CDC42SE2: variants seen among roughly 807,000 people sequenced by gnomAD.
CDC42SE2 encodes the protein CDC42 small effector protein 2.
CDC42SE2 carries 3 observed loss-of-function variants against 11.5 expected under a neutral mutation model. The ratio of observed to expected loss-of-function variants is 0.26; its 90% CI spans 0.12 to 0.67. The LOEUF is 0.67. CDC42SE2 is among the 30% of genes least tolerant of loss of function. CDC42SE2 has a pLI of 0.80. For synonymous variants in CDC42SE2, 33 were observed against 34.8 expected (o/e 0.95, Z 0.18); for missense variants, 82 against 106.8 (o/e 0.77, Z 1.02).
At chr5:131,344,780 AG>A (rs1758799343) in intron 2 of CDC42SE2, among the ~76,000 whole-genome samples, 1 of 152,196 alleles carries the variant, frequency 6.6e-6, no homozygotes, top group Non-Finnish European at 1.5e-5. Context: ...TCATACAGCC[AG>A]GTGCCCCTCT....
chr5:131,349,934 CTT>C (rs1245185036), intron 2 of CDC42SE2, among the ~76,000 whole-genome samples: 6 of 152,018 alleles, frequency 3.9e-5, no homozygotes, highest in Admixed American at 1.3e-4. Flanking sequence ...TTTAATGAAA[CTT>C]GTATAATAAA....
rs147294030 is a variant in CDC42SE2, at chr5:131,270,805, A to G, written c.-455+6639A>G. Among the ~76,000 whole-genome samples the G allele has an allele frequency of 2.8e-4, 43 of 152,342 alleles. No homozygotes were observed. In the East Asian group the frequency reaches 8.1e-3, roughly 29 times the overall value. The stretch of plus-strand genomic sequence containing the variant: ...GATTTCAGAACTTTTCTTTGGCTCA[A>G]AACTGCTTTGAACCTAGAAGCTTGT... On this transcript the variant is annotated intron_variant, in intron 1 of 4. Coordinates refer to ENST00000505065, the MANE Select transcript of CDC42SE2 (RefSeq NM_001375635.1).
In CDC42SE2 at chr5:131,393,607, A is replaced by T. The variant is rs1750740522; in HGVS notation, c.*2516A>T. The T allele has an allele frequency of 6.6e-6, 1 of 152,450 alleles. No homozygotes were observed. The highest frequency in any genetic ancestry group is 1.9e-4 in the East Asian group (1 of 5,322). The allele number at this position is 152,450 out of a possible 1,614,324, so 9.4% of individuals were successfully genotyped here. On this transcript the variant is annotated 3_prime_UTR_variant, in exon 5 of 5. Transcript: ENST00000505065. Reference sequence around the variant, plus strand: ...GGCACGGTCAGTTTCTTGGCCAGGGACATTGCTATGTGCTGTGTGCAAGCT... The same window carrying T: ...GGCACGGTCAGTTTCTTGGCCAGGGTCATTGCTATGTGCTGTGTGCAAGCT...
chr5:131,311,631 T>G (rs1757916489), intron 1 of CDC42SE2, among the ~76,000 whole-genome samples: 1 of 152,204 alleles, frequency 6.6e-6, no homozygotes, highest in Admixed American at 6.5e-5. Flanking sequence ...TCTTGAAGAC[T>G]TTGCTCGTTT....
At chr5:131,298,125 T>C (rs1257879249) in intron 1 of CDC42SE2, among the ~76,000 whole-genome samples, 2 of 151,820 alleles carry the variant, frequency 1.3e-5, no homozygotes, top group East Asian at 3.9e-4. Flanking sequence ...TTTTTTTTTT[T>C]GAGTTTTACT....
At chr5:131,308,418 G>C (rs924083716) in intron 1 of CDC42SE2, among the ~76,000 whole-genome samples, 1 of 151,964 alleles carries the variant, frequency 6.6e-6, no homozygotes, top group Non-Finnish European at 1.5e-5. Flanking sequence ...GGATTGACTT[G>C]GTGATGCAGG....
intron 1 of CDC42SE2, among the ~76,000 whole-genome samples, chr5:131,275,210 C>G (rs1335253160): frequency 2.0e-5 from 3 of 151,242 alleles, no homozygotes; most frequent in Admixed American, 2.0e-4. Flanking sequence ...TGGGCTTGCG[C>G]TATTTTTTTT....
intron 1 of CDC42SE2, among the ~76,000 whole-genome samples, chr5:131,303,499 T>G (rs1757723967): frequency 6.6e-6 from 1 of 152,224 alleles, no homozygotes; most frequent in Admixed American, 6.5e-5. Context: ...AGCTGAAATT[T>G]AAGACTTTTG....
intron 2 of CDC42SE2, among the ~76,000 whole-genome samples, chr5:131,342,839 A>G (rs1008870966): frequency 6.6e-6 from 1 of 151,914 alleles, no homozygotes; most frequent in African/African-American, 2.4e-5. Flanking sequence ...CAGCTTCCCA[A>G]GTAGCTGGGA....
chr5:131,236,632 G>A, the CDC42SE2 span, among the ~76,000 whole-genome samples: 1 of 152,070 alleles, frequency 6.6e-6, no homozygotes, highest in Non-Finnish European at 1.5e-5. Flanking sequence ...TCACCATGTT[G>A]CCCAGGCTGG....
At chr5:131,235,002 C>A in the CDC42SE2 span, among the ~76,000 whole-genome samples, 1 of 151,288 alleles carries the variant, frequency 6.6e-6, no homozygotes, top group Non-Finnish European at 1.5e-5. Flanking sequence ...GATTCTCCTG[C>A]CTCAGCCTCC....
the CDC42SE2 span, among the ~76,000 whole-genome samples, chr5:131,224,503 G>A: frequency 6.6e-6 from 1 of 152,110 alleles, no homozygotes; most frequent in East Asian, 1.9e-4. Flanking sequence ...TCAAATATAT[G>A]CAGTATCTGA....
At chr5:131,325,010 A>G (rs1258813985) in intron 2 of CDC42SE2, among the ~76,000 whole-genome samples, 1 of 152,208 alleles carries the variant, frequency 6.6e-6, no homozygotes, top group African/African-American at 2.4e-5. Flanking sequence ...AATTTGTTAA[A>G]TATATTCTCT....
chr5:131,270,097 G>A (rs1028765114), intron 1 of CDC42SE2, among the ~76,000 whole-genome samples: 1 of 149,502 alleles, frequency 6.7e-6, no homozygotes, highest in African/African-American at 2.5e-5. Context: ...ACAACTGGCC[G>A]GGCATGGTGG....
chr5:131,315,754 T>C (rs538886016), intron 1 of CDC42SE2, among the ~76,000 whole-genome samples: 3 of 152,266 alleles, frequency 2.0e-5, no homozygotes, highest in Non-Finnish European at 2.9e-5. Flanking sequence ...TGGGTAGATA[T>C]AATGTGGAAG....
chr5:131,374,738 A>G (rs529217378), intron 3 of CDC42SE2, among the ~76,000 whole-genome samples: 2 of 152,260 alleles, frequency 1.3e-5, no homozygotes, highest in African/African-American at 2.4e-5. Flanking sequence ...AATTTTATAT[A>G]GTAAATGTTT....
chr5:131,245,054 A>G (rs1756569313), upstream of CDC42SE2, among the ~76,000 whole-genome samples: 3 of 152,182 alleles, frequency 2.0e-5, no homozygotes, highest in African/African-American at 4.8e-5. Context: ...TCCACAAACC[A>G]ACCAATAGAC....
chr5:131,340,113 C>T (rs1003915473), intron 2 of CDC42SE2, among the ~76,000 whole-genome samples: 2 of 152,296 alleles, frequency 1.3e-5, no homozygotes, highest in South Asian at 4.1e-4. Context: ...ACCAAGAATT[C>T]TATACTTCGC....
chr5:131,366,627 G>A (rs775515855), intron 3 of CDC42SE2, among the ~76,000 whole-genome samples: 1 of 151,960 alleles, frequency 6.6e-6, no homozygotes, highest in Admixed American at 6.6e-5. Flanking sequence ...AAACCATGTG[G>A]TTGTTGCAAT....
Sources: allele counts gnomAD v4.1 joint callset (sites outside exome capture counted in the v4.1 genomes callset), GRCh38; gene constraint gnomAD v4.1.1; transcripts MANE v1.5; gene names NCBI Gene and HGNC (gene_info 2026-07-23, HGNC 2026-07-21).